Variants in SLFN11 observed in about 807,000 individuals in gnomAD.
The protein encoded by SLFN11 is schlafen family member 11.
In SLFN11, 43 loss-of-function variants were observed where a neutral mutation model predicts 53.4. That is an observed-to-expected ratio of 0.80 (90% CI 0.63 to 1.04). The LOEUF (loss-of-function observed/expected upper bound fraction) is 1.04. SLFN11 is among the 50% of genes least tolerant of loss of function. The pLI, the probability that SLFN11 is intolerant of heterozygous loss-of-function variation, is 0.00. For missense variants in SLFN11, 990 were observed against 1,079.1 expected (o/e 0.92, Z 1.16); for synonymous variants, 389 against 394.7 (o/e 0.99, Z 0.17).
Position 35,363,213 on chromosome 17 carries a change from G to C in SLFN11, c.595C>G (p.Leu199Val). 6.2e-7 allele frequency: 1 copy of C among 1,614,050 alleles called. No individual in the cohort carries two copies. The highest frequency in any genetic ancestry group is 8.5e-7 in the Non-Finnish European group (1 of 1,180,002). ...AAAGGCAGGATTTCACCATATTCAAGATAGTCTTTTTGGAAAATTAGGTCA... is the reference window on the plus strand; with the variant it reads ...AAAGGCAGGATTTCACCATATTCAACATAGTCTTTTTGGAAAATTAGGTCA... ...PADLIFQKDY[L>V]EYGEILPFPE... The change falls in exon 4 of 7, where the codon CTT becomes GTT. Residue 199 changes from leucine (L) to valine (V), a missense_variant. Physicochemically the swap from Leu to Val is conservative, Grantham distance 32. Coordinates refer to ENST00000685675, the MANE Select transcript of SLFN11 (RefSeq NM_001376007.1).
rs757298289 is a variant in SLFN11, at chr17:35,363,037, G to T, written c.771C>A (p.Val257=). ...FIGVDDKSRE[V]LGCAKENVDP... is the part of the protein sequence containing the mutation. ...CAACATTTTCTTTTGCACATCCCAG[G>T]ACTTCCCTACTCTTATCATCCACTC... Residue 257 remains valine, a synonymous_variant, in exon 4 of 7, where the codon GTC becomes GTA. Coordinates refer to ENST00000685675, the MANE Select transcript of SLFN11 (RefSeq NM_001376007.1). 1.2e-6 allele frequency: 2 copies of T among 1,613,906 alleles called. No individual in the cohort carries two copies. The highest frequency in any genetic ancestry group is 3.3e-5 in the Admixed American group (2 of 60,006).
intron 6 of SLFN11, 98 bp from the exon 7 acceptor site, chr17:35,353,237 A>G (rs1427038219): frequency 1.3e-6 from 2 of 1,599,112 alleles, no homozygotes; most frequent in African/African-American, 1.3e-5. Context: ...ATTACCACAG[A>G]TCATTTTACC....
rs751653143 is a variant in SLFN11 at position 35,362,767 on chromosome 17, C to T, written c.1041G>A (p.Trp347Ter). Residue 347 changes from tryptophan to a stop codon, truncating the protein, a stop_gained, in exon 4 of 7, where the codon TGG becomes TGA. Transcript: ENST00000685675. LOFTEE classifies it high-confidence loss of function. Reference protein sequence around the residue: ...KYVCSLTTEKWVGMMTDTDPD... With the variant: ...KYVCSLTTEK ...GATCTGTGTCTGTCATCATGCCTAC[C>T]CATTTCTCGGTTGTCAGGCTGCAGA... 2 of 1,586,432 alleles carry T rather than the reference C, an allele frequency of 1.3e-6. No individual in the cohort carries two copies. Among genetic ancestry groups the T allele is most frequent in the East Asian group, 2.2e-5 (1 of 44,622 alleles).
intron 5 of SLFN11, among the ~76,000 whole-genome samples, chr17:35,359,575 A>T (rs1436516000): frequency 2.0e-5 from 3 of 152,128 alleles, no homozygotes; most frequent in African/African-American, 7.2e-5. Flanking sequence ...GGAACAAGGG[A>T]TAAGAGTAGA....
rs761571347 is a variant in SLFN11 at position 35,353,151 on chromosome 17, A to G, written c.1923-12T>C. On this transcript the variant is annotated splice_polypyrimidine_tract_variant and intron_variant, in intron 6 of 6. Coordinates refer to ENST00000685675, the MANE Select transcript of SLFN11 (RefSeq NM_001376007.1). ...AGATATTTCTATCACTGTAAAAATT[A>G]AAAGAACACACTCAGGTTTTCTCTA... The G allele has an allele frequency of 1.2e-6, 2 of 1,607,634 alleles. No homozygotes were observed. Among genetic ancestry groups the G allele is most frequent in the African/African-American group, 1.3e-5 (1 of 74,412 alleles).
intron 1 of SLFN11, among the ~76,000 whole-genome samples, chr17:35,372,961 G>C (rs1567830693): frequency 6.6e-6 from 1 of 152,010 alleles, no homozygotes; most frequent in Non-Finnish European, 1.5e-5. Context: ...AAATCTCCCC[G>C]CAGGGCAATG....
At position 35,352,428 on chromosome 17, in the gene SLFN11, T is replaced by C; in HGVS notation, c.2634A>G (p.Leu878=). Residue 878 remains leucine, a synonymous_variant, in exon 7 of 7, where the codon TTA becomes TTG. Coordinates refer to ENST00000685675, the MANE Select transcript of SLFN11 (RefSeq NM_001376007.1). ...AAGCCAGACAGATCAGAACATTGGG[T>C]AAGATAGCTGGGTCAGCTGTCCTTG... ...IHPRTADPAI[L]PNVLICLASR... 6.2e-7 allele frequency: 1 copy of C among 1,614,210 alleles called. No individual in the cohort carries two copies. Among genetic ancestry groups the C allele is most frequent in the Non-Finnish European group, 8.5e-7 (1 of 1,180,024 alleles).
intron 1 of SLFN11, 51 bp from the exon 2 acceptor site, chr17:35,367,751 G>C (rs1909141070): frequency 6.6e-6 from 1 of 151,904 alleles, no homozygotes; most frequent in Non-Finnish European, 1.5e-5. Context: ...AGTTTTCCTA[G>C]GTTCAAATCT....
intron 5 of SLFN11, among the ~76,000 whole-genome samples, chr17:35,358,506 C>G (rs1238499067): frequency 6.6e-6 from 1 of 151,156 alleles, no homozygotes; most frequent in African/African-American, 2.4e-5. Context: ...CCTGTAATCT[C>G]TCCCAATTAA....
intron 4 of SLFN11, 125 bp from the exon 5 acceptor site, chr17:35,360,496 C>A (rs945222779): frequency 3.2e-6 from 3 of 929,940 alleles, no homozygotes; most frequent in Non-Finnish European, 1.5e-6. Context: ...CAAAATAACT[C>A]TCCTCTCACT....
intron 3 of SLFN11, among the ~76,000 whole-genome samples, chr17:35,364,396 A>G (rs953312676): frequency 2.6e-5 from 4 of 152,270 alleles, no homozygotes; most frequent in Middle Eastern, 3.4e-3. Context: ...TCTCAGATCT[A>G]TGGCATAATG....
Position 35,363,289 on chromosome 17 carries a change from T to C in SLFN11, c.519A>G (p.Val173=), listed in dbSNP as rs1210480056. 1.9e-6 allele frequency: 3 copies of C among 1,614,080 alleles called. No homozygotes were observed. The South Asian group carries it at 3.3e-5, about 18-fold the overall frequency. ...EGPFHKIHKG[V]YQELPNSDPA... The stretch of plus-strand genomic sequence containing the variant: ...GATCCGAGTTAGGGAGCTCTTGGTA[T>C]ACACCCTTGTGAATTTTGTGAAAAG... The change falls in exon 4 of 7, where the codon GTA becomes GTG. Residue 173 remains valine, a synonymous_variant. Transcript: ENST00000685675.
At position 35,352,830 on chromosome 17, in the gene SLFN11, TTC is replaced by T; in HGVS notation, c.2230_2231del (p.Glu744AsnfsTer5). ...ADPIAKYLQK[E>X]MQVIRSNPSF... The stretch of plus-strand genomic sequence containing the variant: ...AAGGATTACTTCTAATTACTTGCAT[TTC>T]TTTTTGTAAGTACTTGGCTATTGGA... On this transcript the variant is annotated frameshift_variant, in exon 7 of 7. Transcript: ENST00000685675. LOFTEE classifies it low-confidence loss of function (END_TRUNC). The T allele has an allele frequency of 6.2e-7, 1 of 1,614,236 alleles. No homozygotes were observed. Among genetic ancestry groups the T allele is most frequent in the Non-Finnish European group, 8.5e-7 (1 of 1,180,050 alleles).
At position 35,363,445 on chromosome 17, in the gene SLFN11, G is replaced by C. The variant is rs765127667; in HGVS notation, c.363C>G (p.Val121=). 1 of 1,613,998 alleles carries C rather than the reference G, an allele frequency of 6.2e-7. No individual in the cohort carries two copies. The highest frequency in any genetic ancestry group is 1.1e-5 in the South Asian group (1 of 91,084). The part of the protein sequence containing the change: ...SSGPFPEDRS[V]KPRLCSLSSS... ...AACTGAGGCTGCAAAGGCGGGGCTT[G>C]ACAGAGCGATCTTCAGGGAAAGGGC... Residue 121 remains valine (V), a synonymous_variant, in exon 4 of 7, where the codon GTC becomes GTG. Transcript: ENST00000685675.
rs572917124 is a variant in SLFN11, at chr17:35,351,258, A to G, written c.*1098T>C. ...AACAAGCTCTCTGGGGTCTCTCCCT[A>G]TAAGGACACCAACCTTAGCAGATCA... On this transcript the variant is annotated 3_prime_UTR_variant, in exon 7 of 7. Transcript: ENST00000685675. The G allele has an allele frequency of 2.0e-5, 3 of 152,338 alleles. No homozygotes were observed. The highest frequency in any genetic ancestry group is 1.9e-4 in the East Asian group (1 of 5,170). The allele number at this position is 152,338 out of a possible 1,614,324, so 9.4% of individuals were successfully genotyped here.
rs1251178027 is a variant in SLFN11 at position 35,362,829 on chromosome 17, C to T, written c.979G>A (p.Glu327Lys). ...TCCACTATCCATGAATTGGGAGCTT[C>T]TGAGAACACTGCACAGCAGAAGGGA... The part of the protein sequence containing the change: ...VNPFCCAVFS[E>K]APNSWIVEDK... The change falls in exon 4 of 7, where the codon GAA becomes AAA. Residue 327 changes from glutamate to lysine, a missense_variant. By Grantham distance (56) the Glu-to-Lys change is moderately conservative. Transcript: ENST00000685675. 6.2e-7 allele frequency: 1 copy of T among 1,613,490 alleles called. No individual in the cohort carries two copies. Among genetic ancestry groups the T allele is most frequent in the Non-Finnish European group, 8.5e-7 (1 of 1,179,818 alleles).
In SLFN11 at chr17:35,362,887, C is replaced by A; in HGVS notation, c.921G>T (p.Glu307Asp). 6.2e-7 allele frequency: 1 copy of A among 1,613,908 alleles called. No homozygotes were observed. The highest frequency in any genetic ancestry group is 1.7e-5 in the Admixed American group (1 of 60,002). Residue 307 changes from glutamate to aspartate, a missense_variant, in exon 4 of 7, where the codon GAG (glutamate) becomes GAT (aspartate). Coordinates refer to ENST00000685675, the MANE Select transcript of SLFN11 (RefSeq NM_001376007.1). Reference protein sequence around the residue: ...LKIVNVLKRGELYGYACMIRV... With the variant: ...LKIVNVLKRGDLYGYACMIRV... ...TGATCATGCAAGCATAGCCATAGAG[C>A]TCTCCCCTTTTTAACACATTCACAA... is the stretch of plus-strand genomic sequence containing the variant.
chr17:35,368,888 T>G (rs533996135), intron 1 of SLFN11, among the ~76,000 whole-genome samples: 12 of 152,130 alleles, frequency 7.9e-5, no homozygotes, highest in African/African-American at 2.9e-4. Context: ...CTAGACACAC[T>G]CTGGGCCAGA....
chr17:35,363,490 A>C lies in SLFN11; in HGVS notation c.318T>G (p.Phe106Leu). 6.2e-7 allele frequency: 1 copy of C among 1,614,034 alleles called. No individual in the cohort carries two copies. The highest frequency in any genetic ancestry group is 1.6e-4 in the Middle Eastern group (1 of 6,062). The change falls in exon 4 of 7, where the codon TTT (phenylalanine) becomes TTG (leucine). Residue 106 changes from phenylalanine (F) to leucine (L), a missense_variant. This residue lies in a region of SLFN11 where 521 missense variants were observed against 516.2 expected (regional missense o/e 1.01). Coordinates refer to ENST00000685675, the MANE Select transcript of SLFN11 (RefSeq NM_001376007.1). ...AAGGGCCACTGCTCCAAGATTTAAC[A>C]AAAATGTAAAAACACCTTCCTTGTT... Reference protein sequence around the residue: ...TKQQGRCFYIFVKSWSSGPFP... With the variant: ...TKQQGRCFYILVKSWSSGPFP...
Sources: gnomAD v4.1 joint callset for allele counts (sites outside exome capture counted in the v4.1 genomes callset) on GRCh38, gnomAD v4.1.1 for gene constraint, gnomAD v4.1.1 regional missense constraint, MANE v1.5 for transcripts, NCBI Gene and HGNC (gene_info 2026-07-23, HGNC 2026-07-21) for gene names.